The following RIT2 variants were observed in gnomAD, a reference collection of about 807,000 sequenced individuals.
RIT2 encodes the protein Ras like without CAAX 2, also known as GTP-binding protein Rit2.
Under a neutral mutation model 23.7 loss-of-function variants are expected in RIT2, and 24 were observed. The observed-to-expected ratio is 1.01, with a 90% CI of 0.73 to 1.43. The LOEUF (loss-of-function observed/expected upper bound fraction) is 1.43, where lower values mean the gene tolerates loss of function less well. Ranked by LOEUF, RIT2 falls within the 40% of genes most tolerant of loss-of-function variation. The pLI, the probability that RIT2 is intolerant of heterozygous loss-of-function variation, is 0.00. For synonymous variants in RIT2, 107 were observed against 91.1 expected, an observed-to-expected ratio of 1.17 and a Z score of -0.99; for missense variants, 236 against 266.9, an observed-to-expected ratio of 0.88 and a Z score of 0.81.
intron 3 of RIT2, among the ~76,000 whole-genome samples, chr18:42,955,061 A>T (rs1909941017): frequency 6.6e-6 from 1 of 152,172 alleles, no homozygotes; most frequent in South Asian, 2.1e-4. Context: ...GCCAGGGTAG[A>T]ACACATGAGG....
chr18:42,932,444 C>A (rs769846578), intron 3 of RIT2, among the ~76,000 whole-genome samples: 2 of 152,126 alleles, frequency 1.3e-5, no homozygotes, highest in African/African-American at 2.4e-5. Flanking sequence ...CACATCAAAT[C>A]TATACTCATC....
At position 42,923,368 on chromosome 18, in the gene RIT2, G is replaced by A. The variant is rs1264580777; in HGVS notation, c.426+204C>T. ...TCCTAGGGGATAGGGCACTAGTAAGGGCACTCTGCAAAATAGCATATGTGG... is the reference window on the plus strand; with the variant it reads ...TCCTAGGGGATAGGGCACTAGTAAGAGCACTCTGCAAAATAGCATATGTGG... On this transcript the variant is annotated intron_variant, in intron 4 of 4. Transcript: ENST00000326695. 5 of 568,624 alleles carry A rather than the reference G, an allele frequency of 8.8e-6. No homozygotes were observed. In the African/African-American group the frequency reaches 9.5e-5, roughly 11 times the overall value. 35.2% of individuals were successfully genotyped at this position (568,624 alleles called of 1,614,324 possible).
At chr18:42,930,296 C>CTT (rs941598129) in intron 3 of RIT2, among the ~76,000 whole-genome samples, 108 of 151,568 alleles carry the variant, frequency 7.1e-4, no homozygotes, top group African/African-American at 2.6e-3. Context: ...ACCATGAAGG[C>CTT]TTTCACAGTA....
At chr18:42,911,594 C>T (rs371230512) in intron 4 of RIT2, among the ~76,000 whole-genome samples, 17 of 151,932 alleles carry the variant, frequency 1.1e-4, no homozygotes, top group African/African-American at 3.4e-4. Flanking sequence ...ATGTTATGTG[C>T]CTTACATATA....
At chr18:42,937,482 T>C (rs617460) in intron 3 of RIT2, among the ~76,000 whole-genome samples, 78,925 of 151,980 alleles carry the variant, frequency 0.52, 20,987 homozygotes, top group East Asian at 0.69. Context: ...GTGAAGGGGA[T>C]AGTAAAAGCT....
At chr18:42,876,295 C>G (rs546358640) in intron 4 of RIT2, among the ~76,000 whole-genome samples, 16 of 151,144 alleles carry the variant, frequency 1.1e-4, no homozygotes, top group Admixed American at 4.6e-4. Context: ...ACCACATATT[C>G]AAATAATAAT....
At chr18:42,953,163 T>C (rs192565513) in intron 3 of RIT2, among the ~76,000 whole-genome samples, 2 of 152,266 alleles carry the variant, frequency 1.3e-5, no homozygotes, top group South Asian at 2.1e-4. Flanking sequence ...TTTGTGATCA[T>C]GCAAATTTTA....
chr18:43,069,154 C>T (rs1336627985), intron 1 of RIT2, among the ~76,000 whole-genome samples: 1 of 152,044 alleles, frequency 6.6e-6, no homozygotes, highest in African/African-American at 2.4e-5. Context: ...AAAATTAATC[C>T]TTTATCACAA....
chr18:42,744,943 T>G (rs1032253881), intron 4 of RIT2, among the ~76,000 whole-genome samples: 2 of 152,146 alleles, frequency 1.3e-5, no homozygotes, highest in African/African-American at 4.8e-5. Flanking sequence ...ATAAACTGAC[T>G]GAGGCCAGGG....
At chr18:43,025,623 C>T (rs1911699035) in intron 2 of RIT2, among the ~76,000 whole-genome samples, 1 of 151,942 alleles carries the variant, frequency 6.6e-6, no homozygotes, top group African/African-American at 2.4e-5. Flanking sequence ...GTCACACACA[C>T]ACATATATAT....
chr18:43,076,400 C>A (rs865835731), intron 1 of RIT2, among the ~76,000 whole-genome samples: 1 of 151,744 alleles, frequency 6.6e-6, no homozygotes, highest in Non-Finnish European at 1.5e-5. Flanking sequence ...AAATGTCAAG[C>A]TTGGGATACA....
intron 4 of RIT2, among the ~76,000 whole-genome samples, chr18:42,865,314 C>T (rs1907440941): frequency 6.6e-6 from 1 of 152,116 alleles, no homozygotes; most frequent in Non-Finnish European, 1.5e-5. Flanking sequence ...ATGTGGAGTC[C>T]CTGTGTTCTG....
In RIT2 at chr18:42,856,266, C is replaced by G. The variant is rs1371226145; in HGVS notation, c.426+67306G>C. ...TTAGACCTTTGTTCAGGAGAGAGTCCTATCTCATACCTAGAAGGAAGGAAT... is the reference window on the plus strand; with the variant it reads ...TTAGACCTTTGTTCAGGAGAGAGTCGTATCTCATACCTAGAAGGAAGGAAT... On this transcript the variant is annotated intron_variant, in intron 4 of 4. Coordinates refer to ENST00000326695, the MANE Select transcript of RIT2 (RefSeq NM_002930.4). Among the ~76,000 whole-genome samples, 3 of 152,178 alleles carry G rather than the reference C, an allele frequency of 2.0e-5. No individual in the cohort carries two copies. In the East Asian group the frequency reaches 5.8e-4, roughly 29 times the overall value.
intron 3 of RIT2, among the ~76,000 whole-genome samples, chr18:42,925,331 C>T (rs2144136686): frequency 1.3e-5 from 2 of 152,078 alleles, no homozygotes; most frequent in South Asian, 4.1e-4. Flanking sequence ...CCATAATTGA[C>T]AGGACTTGAC....
chr18:42,893,085 G>T (rs1908224167), intron 4 of RIT2, among the ~76,000 whole-genome samples: 1 of 151,972 alleles, frequency 6.6e-6, no homozygotes, highest in Non-Finnish European at 1.5e-5. Flanking sequence ...TAACTCTCCT[G>T]GACATGGTGG....
intron 1 of RIT2, among the ~76,000 whole-genome samples, chr18:43,096,958 A>G (rs900246675): frequency 5.3e-5 from 8 of 151,958 alleles, no homozygotes; most frequent in African/African-American, 1.9e-4. Flanking sequence ...AAAGAGCTTC[A>G]TTCTTAGAAA....
chr18:42,898,913 C>T (rs1013868238), intron 4 of RIT2, among the ~76,000 whole-genome samples: 2 of 152,102 alleles, frequency 1.3e-5, no homozygotes, highest in East Asian at 1.9e-4. Context: ...CTTTTCAGCG[C>T]CCCTCATTGG....
chr18:42,974,237 G>C, intron 2 of RIT2, 90 bp from the exon 3 acceptor site: 2 of 795,358 alleles, frequency 2.5e-6, no homozygotes, highest in Non-Finnish European at 4.2e-6. Context: ...TTCTAAGTAA[G>C]TTACTAAGAT....
intron 1 of RIT2, among the ~76,000 whole-genome samples, chr18:43,057,572 T>C (rs79794203): frequency 0.091 from 13,778 of 152,172 alleles, 705 homozygotes; most frequent in East Asian, 0.18. Flanking sequence ...TGAAAAGTTT[T>C]TTGGTAAGGA....
Sources: gnomAD v4.1 joint callset for allele counts (sites outside exome capture counted in the v4.1 genomes callset) on GRCh38, gnomAD v4.1.1 for gene constraint, MANE v1.5 for transcripts, NCBI Gene and HGNC (gene_info 2026-07-23, HGNC 2026-07-21) for gene names.